The following CDKL1 variants were observed in gnomAD, a reference collection of about 807,000 sequenced individuals.
CDKL1 encodes the protein cyclin-dependent kinase-like 1.
Under a neutral mutation model 42.0 loss-of-function variants are expected in CDKL1, and 41 were observed. The ratio of observed to expected loss-of-function variants is 0.98; its 90% CI spans 0.76 to 1.27. The LOEUF (loss-of-function observed/expected upper bound fraction) is 1.27. Among genes scored for constraint, CDKL1 ranks in the 50% most tolerant of loss-of-function variants. CDKL1 has a pLI of 0.00. For missense variants in CDKL1, 394 were observed against 428.4 expected, an observed-to-expected ratio of 0.92 and a Z score of 0.71; for synonymous variants, 153 against 158.6, an observed-to-expected ratio of 0.96 and a Z score of 0.26.
intron 3 of CDKL1, among the ~76,000 whole-genome samples, chr14:50,345,371 G>A (rs1252751134): frequency 1.3e-5 from 2 of 152,306 alleles, no homozygotes; most frequent in East Asian, 3.9e-4. Context: ...CTGGGAAACT[G>A]CCTGGTAACT....
chr14:50,344,867 G>C, intron 4 of CDKL1, 119 bp downstream of exon 4: 1 of 751,784 alleles, frequency 1.3e-6, no homozygotes, highest in African/African-American at 1.8e-5. Context: ...ACCCAACCAG[G>C]CTTATGAAGA....
chr14:50,386,221 TG>T (rs2035076803), intron 2 of CDKL1, among the ~76,000 whole-genome samples: 1 of 151,758 alleles, frequency 6.6e-6, no homozygotes. Flanking sequence ...TGCTTGAGGC[TG>T]GGAGTTTGAG....
At chr14:50,330,339 CG>C in intron 9 of CDKL1, 158 bp from the exon 10 acceptor site, 1 of 845,950 alleles carries the variant, frequency 1.2e-6, no homozygotes, top group East Asian at 3.4e-5. Context: ...GTTTCAATTT[CG>C]TCTTGGCTTT....
At position 50,329,803 on chromosome 14, in the gene CDKL1, C is replaced by G; in HGVS notation, c.*271G>C. On this transcript the variant is annotated 3_prime_UTR_variant, in exon 10 of 10. Coordinates refer to ENST00000395834, the MANE Select transcript of CDKL1 (RefSeq NM_004196.7). The stretch of plus-strand genomic sequence containing the variant: ...GTTTTGCCAGAGGTATGGGACAGTT[C>G]ATATTCTGTCCATAAGTTCGGCTAC... The G allele has an allele frequency of 2.6e-6, 1 of 377,654 alleles. No homozygotes were observed. The highest frequency in any genetic ancestry group is 4.8e-6 in the Non-Finnish European group (1 of 206,712). 23.4% of individuals were successfully genotyped at this position (377,654 alleles called of 1,614,324 possible).
At chr14:50,355,938 G>A (rs987737285) in intron 3 of CDKL1, among the ~76,000 whole-genome samples, 2 of 152,202 alleles carry the variant, frequency 1.3e-5, no homozygotes, top group Non-Finnish European at 2.9e-5. Context: ...GTAAGATCTT[G>A]TATCTCATGC....
rs1046370513 is a variant in CDKL1 at position 50,362,354 on chromosome 14, C to T, written c.169-3205G>A. 1.3e-5 allele frequency: 4 copies of T among 304,208 alleles called. 1 individual carries two copies. Among genetic ancestry groups the T allele is most frequent in the African/African-American group, 4.6e-5 (2 of 43,208 alleles). The allele number at this position is 304,208 out of a possible 1,614,324, so 18.8% of individuals were successfully genotyped here. A position where few individuals can be genotyped will look rare whatever the true frequency, so the allele number is the denominator to read the frequency against. On this transcript the variant is annotated intron_variant, in intron 2 of 9. Transcript: ENST00000395834. ...GATCCACTGGGTGAGGCCAGCTGGG[C>T]TCCTGAGTCTGGTGGGGACTTGGAG...
At chr14:50,385,664 C>T (rs1048931609) in intron 2 of CDKL1, among the ~76,000 whole-genome samples, 6 of 151,918 alleles carry the variant, frequency 3.9e-5, no homozygotes, top group African/African-American at 1.2e-4. Context: ...ATTAGCCAGG[C>T]GCGGTGGCAG....
At chr14:50,361,742 T>C (rs1225788302) in intron 2 of CDKL1, among the ~76,000 whole-genome samples, 1 of 152,240 alleles carries the variant, frequency 6.6e-6, no homozygotes, top group Admixed American at 6.5e-5. Flanking sequence ...ACCACCATCA[T>C]TGAAACAGAG....
chr14:50,389,128 GAGAAA>G (rs2035177444), intron 2 of CDKL1, among the ~76,000 whole-genome samples: 1 of 147,778 alleles, frequency 6.8e-6, no homozygotes, highest in Non-Finnish European at 1.5e-5. Flanking sequence ...AAAAAAGAGA[GAGAAA>G]AGAAAACTGA....
chr14:50,393,544 T>C (rs1202679424), intron 2 of CDKL1, among the ~76,000 whole-genome samples: 1 of 152,194 alleles, frequency 6.6e-6, no homozygotes, highest in Admixed American at 6.5e-5. Context: ...AGTGGCCTAA[T>C]CATAGCTCAC....
At position 50,341,458 on chromosome 14, in the gene CDKL1, G is replaced by T. The variant is rs891665887; in HGVS notation, c.455-226C>A. Among the ~76,000 whole-genome samples, 149 of 24,256 alleles carry T rather than the reference G, an allele frequency of 6.1e-3. 1 individual carries two copies. The highest frequency in any genetic ancestry group is 8.8e-3 in the Non-Finnish European group (113 of 12,888). 15.9% of individuals were successfully genotyped at this position (24,256 alleles called of 152,430 possible). ...AAACAGAATCCCTGGGGAGGGTCTG[G>T]GGGGGGGGGGGGGGTTATTTGGCTT... On this transcript the variant is annotated intron_variant, in intron 5 of 9. Transcript: ENST00000395834.
chr14:50,355,451 T>C (rs1452565794), intron 3 of CDKL1, among the ~76,000 whole-genome samples: 1 of 152,230 alleles, frequency 6.6e-6, no homozygotes. Flanking sequence ...TTGACAATAT[T>C]AGGCTTTAGA....
intron 2 of CDKL1, among the ~76,000 whole-genome samples, chr14:50,382,421 A>G (rs1012200144): frequency 6.6e-6 from 1 of 152,170 alleles, no homozygotes; most frequent in East Asian, 1.9e-4. Flanking sequence ...ACTGCACTCC[A>G]GCCTGGGCGA....
upstream of CDKL1, chr14:50,396,987 GCCCGGCCGCCC>G: frequency 2.1e-6 from 2 of 971,842 alleles, no homozygotes; most frequent in Non-Finnish European, 2.7e-6. Flanking sequence ...GCCCGGCCCA[GCCCGGCCGCCC>G]TCCCGGCTGC....
intron 9 of CDKL1, chr14:50,331,800 AAAGC>A (rs1479947146): frequency 5.5e-6 from 3 of 547,516 alleles, no homozygotes; most frequent in Non-Finnish European, 9.6e-6. Flanking sequence ...GATACCACCA[AAAGC>A]ACTCATCACT....
chr14:50,375,780 G>A (rs1402806533), intron 2 of CDKL1, among the ~76,000 whole-genome samples: 5 of 151,938 alleles, frequency 3.3e-5, no homozygotes, highest in Non-Finnish European at 7.4e-5. Context: ...CTGGGCAACA[G>A]AGCGAGACTC....
At chr14:50,332,493 C>A in intron 8 of CDKL1, 61 bp from the exon 9 acceptor site, 1 of 1,543,546 alleles carries the variant, frequency 6.5e-7, no homozygotes, top group South Asian at 1.3e-5. Flanking sequence ...TTATTAATGT[C>A]ATTTTTTTCT....
intron 2 of CDKL1, among the ~76,000 whole-genome samples, chr14:50,385,977 T>C (rs931818211): frequency 6.6e-6 from 1 of 152,024 alleles, no homozygotes; most frequent in Non-Finnish European, 1.5e-5. Context: ...GATAATAGTA[T>C]TGAGTCAATG....
At chr14:50,368,321 A>AG (rs2034488509) in intron 2 of CDKL1, among the ~76,000 whole-genome samples, 1 of 151,642 alleles carries the variant, frequency 6.6e-6, no homozygotes, top group Admixed American at 6.6e-5. Context: ...CAGTGGCATG[A>AG]TCATGGCTCA....
Sources: gnomAD v4.1 joint callset for allele counts (sites outside exome capture counted in the v4.1 genomes callset) on GRCh38, gnomAD v4.1.1 for gene constraint, MANE v1.5 for transcripts, NCBI Gene and HGNC (gene_info 2026-07-23, HGNC 2026-07-21) for gene names.